The following FHIP1B variants were observed in gnomAD, a reference collection of about 807,000 sequenced individuals.
FHIP1B encodes FHF complex subunit HOOK-interacting protein 1B.
FHIP1B carries 28 observed loss-of-function variants against 82.2 expected under a neutral mutation model. That is an observed-to-expected ratio of 0.34 (90% confidence interval 0.25 to 0.47). The LOEUF is 0.47. FHIP1B is among the 20% of genes least tolerant of loss of function. The pLI, the probability that FHIP1B is intolerant of heterozygous loss-of-function variation, is 1.00. For missense variants in FHIP1B, 1,110 were observed against 1,262.6 expected (o/e 0.88, Z 1.83); for synonymous variants, 585 against 516.1 (o/e 1.13, Z -1.81).
chr11:6,233,614 C>T (rs1847758965), intron 1 of FHIP1B, among the ~76,000 whole-genome samples: 1 of 152,128 alleles, frequency 6.6e-6, no homozygotes, highest in East Asian at 1.9e-4. Context: ...AAAAATTCAA[C>T]TGTAAGAAAG....
At position 6,231,673 on chromosome 11, in the gene FHIP1B, CGTT is replaced by C. The variant is rs1290942905; in HGVS notation, c.-192+2868_-192+2870del. On this transcript the variant is annotated intron_variant, in intron 1 of 11. Coordinates refer to ENST00000449352, the MANE Select transcript of FHIP1B (RefSeq NM_001098794.2). ...GTTTTTTTGGTGGTGGTTTTATTGT[CGTT>C]GTTGTTGTTGTTTTGGTAGAGGCAG... 4.6e-5 allele frequency among the ~76,000 whole-genome samples: 7 copies of C among 151,230 alleles called. No individual in the cohort carries two copies. In the East Asian group the frequency reaches 9.7e-4, roughly 21 times the overall value.
At chr11:6,230,585 G>A (rs1220011043) in intron 1 of FHIP1B, among the ~76,000 whole-genome samples, 2 of 152,092 alleles carry the variant, frequency 1.3e-5, no homozygotes, top group South Asian at 2.1e-4. Context: ...TTCCCTCCCC[G>A]CAATATCACT....
Position 6,224,229 on chromosome 11 carries a change from C to T in FHIP1B, c.158G>A (p.Arg53Gln), listed in dbSNP as rs377295262. ...HWSQVVRILE[R>Q]QGPRAAPGGA... ...CCCAGGAGCTGCCCGAGGGCCTTGC[C>T]GCTCCAGGATTCGCACCACCTAGGG... is the stretch of plus-strand genomic sequence containing the variant. The change falls in exon 3 of 12, where the codon CGG (arginine) becomes CAG (glutamine). Residue 53 changes from arginine to glutamine, a missense_variant. Physicochemically the swap from Arg to Gln is conservative, Grantham distance 43 (BLOSUM62 1). Around this residue, in one of 6 missense-constraint regions of FHIP1B, gnomAD observed 467 missense variants for 602.9 expected, o/e 0.77. Coordinates refer to ENST00000449352, the MANE Select transcript of FHIP1B (RefSeq NM_001098794.2). The T allele has an allele frequency of 8.7e-6, 14 of 1,610,002 alleles. No individual in the cohort carries two copies. The highest frequency in any genetic ancestry group is 2.7e-5 in the African/African-American group (2 of 74,786).
intron 6 of FHIP1B, among the ~76,000 whole-genome samples, chr11:6,221,116 T>C (rs1224994455): frequency 1.3e-5 from 2 of 152,220 alleles, no homozygotes; most frequent in Non-Finnish European, 2.9e-5. Flanking sequence ...TTCACAGACG[T>C]TTCTAAAGTA....
At chr11:6,212,008 C>G (rs1038109207) in intron 11 of FHIP1B, 141 bp from the exon 12 acceptor site, 76 of 1,395,134 alleles carry the variant, frequency 5.4e-5, no homozygotes, top group Middle Eastern at 5.4e-4. Context: ...CAAAATGGAC[C>G]AGAAATGAAC....
rs1296444690 is a variant in FHIP1B, at chr11:6,217,601, T to C, written c.1985A>G (p.Glu662Gly). 2.5e-6 allele frequency: 4 copies of C among 1,613,438 alleles called. No homozygotes were observed. Among genetic ancestry groups the C allele is most frequent in the Non-Finnish European group, 3.4e-6 (4 of 1,179,776 alleles). Reference protein sequence around the residue: ...VPKEGAGELLEGISEGMAGLE... With the variant: ...VPKEGAGELLGGISEGMAGLE... ...TCCTGCCATGCCCTCGGAGATGCCC[T>C]CTAGCAGTTCCCCAGCTCCCTCCTT... The change falls in exon 9 of 12, where the codon GAG (glutamate) becomes GGG (glycine). Residue 662 changes from glutamate (E) to glycine (G), a missense_variant. Transcript: ENST00000449352.
Position 6,218,596 on chromosome 11 carries a change from C to T in FHIP1B, c.1435+4G>A, listed in dbSNP as rs1436075927. 14 of 1,614,118 alleles carry T rather than the reference C, an allele frequency of 8.7e-6. No individual in the cohort carries two copies. The highest frequency in any genetic ancestry group is 1.1e-5 in the Non-Finnish European group (13 of 1,180,018). On this transcript the variant is annotated splice_donor_region_variant and intron_variant, in intron 8 of 11. Coordinates refer to ENST00000449352, the MANE Select transcript of FHIP1B (RefSeq NM_001098794.2). ...CCTTCTCCCTGTCTCTCTGCTAGGC[C>T]CACCTCGTGCCCATGAGGCATGCTC... is the stretch of plus-strand genomic sequence containing the variant.
intron 1 of FHIP1B, among the ~76,000 whole-genome samples, chr11:6,225,951 A>G (rs1246546439): frequency 6.6e-6 from 1 of 152,172 alleles, no homozygotes; most frequent in Non-Finnish European, 1.5e-5. Flanking sequence ...CTCACAAGAA[A>G]AAGGAAAAAA....
chr11:6,219,069 G>A lies in FHIP1B; in HGVS notation c.1192-19C>T. 6.3e-7 allele frequency: 1 copy of A among 1,583,720 alleles called. No homozygotes were observed. The highest frequency in any genetic ancestry group is 8.7e-7 in the Non-Finnish European group (1 of 1,155,984). Reference sequence around the variant, plus strand: ...TGCAGAGCTGGGGGGGTGGAGGGGAGGGAGGGAGTCACCATAAGAGCTCTC... The same window carrying A: ...TGCAGAGCTGGGGGGGTGGAGGGGAAGGAGGGAGTCACCATAAGAGCTCTC... On this transcript the variant is annotated intron_variant, in intron 6 of 11. Coordinates refer to ENST00000449352, the MANE Select transcript of FHIP1B (RefSeq NM_001098794.2).
In FHIP1B at chr11:6,224,168, A is replaced by T; in HGVS notation, c.219T>A (p.Thr73=). The T allele has an allele frequency of 1.9e-6, 3 of 1,613,938 alleles. No homozygotes were observed. The highest frequency in any genetic ancestry group is 2.5e-6 in the Non-Finnish European group (3 of 1,179,950). The stretch of plus-strand genomic sequence containing the variant: ...CTGCCAGCAGTGTCAACATCTGGTA[A>T]GTGTGGTTGCGCACAGCACTGAGAT... ...ADDLSAVRNH[T]YQMLTLLAED... Residue 73 remains threonine (T), a synonymous_variant, in exon 3 of 12, where the codon ACT becomes ACA. Transcript: ENST00000449352.
chr11:6,233,691 A>G (rs1303741870), intron 1 of FHIP1B, among the ~76,000 whole-genome samples: 1 of 152,250 alleles, frequency 6.6e-6, no homozygotes, highest in Non-Finnish European at 1.5e-5. Context: ...TATGACCTCC[A>G]TAAAAGTAGA....
At chr11:6,233,644 T>C (rs1454012806) in intron 1 of FHIP1B, among the ~76,000 whole-genome samples, 1 of 152,200 alleles carries the variant, frequency 6.6e-6, no homozygotes, top group Non-Finnish European at 1.5e-5. Flanking sequence ...GCCATCCTGT[T>C]TGGGATCCTA....
intron 6 of FHIP1B, among the ~76,000 whole-genome samples, chr11:6,219,697 A>G (rs578213678): frequency 6.6e-6 from 1 of 152,346 alleles, no homozygotes; most frequent in African/African-American, 2.4e-5. Context: ...TTCATCTCTG[A>G]CTAGGTAAAG....
chr11:6,212,198 C>G (rs889942025), intron 11 of FHIP1B, among the ~76,000 whole-genome samples: 9 of 152,094 alleles, frequency 5.9e-5, no homozygotes, highest in African/African-American at 2.2e-4. Context: ...CACTTCATTC[C>G]CAGTTAAGAT....
rs770686694 is a variant in FHIP1B at position 6,218,015 on chromosome 11, G to A, written c.1571C>T (p.Pro524Leu). ...SESPGPAPCS[P>L]GLSASPASSP... ...GGAGGCGGGGGATGCAGAAAGCCCTGGTGAGCAAGGGGCTGGGCCTGGAGA... is the reference window on the plus strand; with the variant it reads ...GGAGGCGGGGGATGCAGAAAGCCCTAGTGAGCAAGGGGCTGGGCCTGGAGA... The change falls in exon 9 of 12, where the codon CCA becomes CTA. Residue 524 changes from proline to leucine, a missense_variant. Pro to Leu is a moderately conservative substitution (Grantham distance 98). Around this residue, in one of 6 missense-constraint regions of FHIP1B, gnomAD observed 418 missense variants for 371.4 expected, o/e 1.13. Transcript: ENST00000449352. 1.4e-5 allele frequency: 23 copies of A among 1,613,434 alleles called. No individual in the cohort carries two copies. Among genetic ancestry groups the A allele is most frequent in the Non-Finnish European group, 1.9e-5 (23 of 1,179,840 alleles).
Position 6,224,627 on chromosome 11 carries a change from A to G in FHIP1B, c.-111T>C, listed in dbSNP as rs1590629172. 1 of 1,176,888 alleles carries G rather than the reference A, an allele frequency of 8.5e-7. No individual in the cohort carries two copies. The highest frequency in any genetic ancestry group is 1.2e-6 in the Non-Finnish European group (1 of 850,762). The allele number at this position is 1,176,888 out of a possible 1,614,324, so 72.9% of individuals were successfully genotyped here. On this transcript the variant is annotated 5_prime_UTR_variant, in exon 2 of 12. Coordinates refer to ENST00000449352, the MANE Select transcript of FHIP1B (RefSeq NM_001098794.2). ...CTGCTTCATCCGGTCTGTAGGAGCC[A>G]GTAGCTGCCCATGGAGCCAGAGGTT...
intron 1 of FHIP1B, among the ~76,000 whole-genome samples, chr11:6,227,016 G>T (rs958902934): frequency 1.3e-5 from 2 of 152,184 alleles, no homozygotes; most frequent in African/African-American, 4.8e-5. Context: ...TATGTTCCAT[G>T]CAATACTGAA....
intron 1 of FHIP1B, among the ~76,000 whole-genome samples, chr11:6,231,019 G>A (rs1268035740): frequency 1.3e-5 from 2 of 152,176 alleles, no homozygotes; most frequent in African/African-American, 4.8e-5. Context: ...TTTAAGCCAA[G>A]GAGTTCGGAG....
chr11:6,211,540 G>A lies in FHIP1B; in HGVS notation c.2885C>T (p.Pro962Leu), dbSNP rs1461367896. The A allele has an allele frequency of 6.2e-7, 1 of 1,610,044 alleles. No homozygotes were observed. Among genetic ancestry groups the A allele is most frequent in the Non-Finnish European group, 8.5e-7 (1 of 1,178,428 alleles). ...LLETSEEGSGPLISGCGPLNP is the reference protein window; with the variant it reads ...LLETSEEGSGLLISGCGPLNP The stretch of plus-strand genomic sequence containing the variant: ...GAGGGGCCCACAGCCTGAGATGAGA[G>A]GGCCAGATCCTTCCTCTGAAGTCTC... Residue 962 changes from proline to leucine, a missense_variant, in exon 12 of 12, where the codon CCT becomes CTT. Physicochemically the swap from Pro to Leu is moderately conservative, Grantham distance 98. This residue lies in a region of FHIP1B where 29 missense variants were observed against 21.5 expected (regional missense o/e 1.35). Coordinates refer to ENST00000449352, the MANE Select transcript of FHIP1B (RefSeq NM_001098794.2).
Sources: allele counts gnomAD v4.1 joint callset (sites outside exome capture counted in the v4.1 genomes callset), GRCh38; gene constraint gnomAD v4.1.1; regional missense constraint gnomAD v4.1.1; transcripts MANE v1.5; gene names NCBI Gene and HGNC (gene_info 2026-07-23, HGNC 2026-07-21).